Variants in SLC48A1 observed in about 807,000 individuals in gnomAD.
The protein encoded by SLC48A1 is solute carrier family 48 member 1, also known as heme transporter HRG1.
In SLC48A1, 6 loss-of-function variants were observed where a neutral mutation model predicts 14.8. That is an observed-to-expected ratio of 0.41 (90% CI 0.22 to 0.80). The LOEUF is 0.80. Among genes scored for constraint, SLC48A1 ranks in the 30% least tolerant of loss-of-function variants. The pLI is 0.34. For synonymous variants in SLC48A1, 89 were observed against 90.0 expected, an observed-to-expected ratio of 0.99 and a Z score of 0.06; for missense variants, 165 against 204.8, an observed-to-expected ratio of 0.81 and a Z score of 1.19.
chr12:47,780,408 C>G lies in SLC48A1; in HGVS notation c.*127C>G, dbSNP rs570796895. ...CTGTGGCAGAAAATACACAGCAGGA[C>G]GAGTGTGGTCTCCCAGGAAGCTGTC... On this transcript the variant is annotated 3_prime_UTR_variant, in exon 3 of 3. Coordinates refer to ENST00000442218, the MANE Select transcript of SLC48A1 (RefSeq NM_017842.3). 7 of 1,416,878 alleles carry G rather than the reference C, an allele frequency of 4.9e-6. No individual in the cohort carries two copies. In the African/African-American group the frequency reaches 9.9e-5, roughly 20 times the overall value. 87.8% of individuals were successfully genotyped at this position (1,416,878 alleles called of 1,614,324 possible).
chr12:47,766,688 G>A (rs1444108048), upstream of SLC48A1, among the ~76,000 whole-genome samples: 6 of 151,976 alleles, frequency 3.9e-5, no homozygotes, highest in Non-Finnish European at 7.4e-5. Context: ...TGCCTCTGAT[G>A]CTTTCTTAGC....
chr12:47,763,593 A>G (rs1161469400), intron 2 of SLC48A1, among the ~76,000 whole-genome samples: 3 of 152,120 alleles, frequency 2.0e-5, no homozygotes, highest in Non-Finnish European at 2.9e-5. Context: ...TCCATCCCCC[A>G]AGGGCAGTTC....
At position 47,773,405 on chromosome 12, in the gene SLC48A1, G is replaced by A; in HGVS notation, c.101G>A (p.Arg34Gln). 1 of 1,448,420 alleles carries A rather than the reference G, an allele frequency of 6.9e-7. No individual in the cohort carries two copies. The highest frequency in any genetic ancestry group is 9.1e-7 in the Non-Finnish European group (1 of 1,094,878). 89.7% of individuals were successfully genotyped at this position (1,448,420 alleles called of 1,614,324 possible). The change falls in exon 1 of 3, where the codon CGA (arginine) becomes CAA (glutamine). Residue 34 changes from arginine (R) to glutamine (Q), a missense_variant. Arg to Gln is a conservative substitution (Grantham distance 43). Coordinates refer to ENST00000442218, the MANE Select transcript of SLC48A1 (RefSeq NM_017842.3). ...SIFLVWTVVY[R>Q]QPGTAAMGGL... ...TTCCTCGTCTGGACGGTGGTCTACCGACAGCCGGGGACCGCGGCCATGGGA... is the reference window on the plus strand; with the variant it reads ...TTCCTCGTCTGGACGGTGGTCTACCAACAGCCGGGGACCGCGGCCATGGGA...
At chr12:47,755,027 T>G (rs1941969233), upstream of SLC48A1, among the ~76,000 whole-genome samples, 1 of 152,210 alleles carries the variant, frequency 6.6e-6, no homozygotes, top group Admixed American at 6.5e-5. Context: ...AGCTAAGGTG[T>G]CAAGCTAGGG....
chr12:47,769,622 A>G (rs937168329), upstream of SLC48A1: 3 of 152,240 alleles, frequency 2.0e-5, no homozygotes, highest in African/African-American at 7.2e-5. Flanking sequence ...TCCCTGTTCA[A>G]TAAAAACAAT....
upstream of SLC48A1, among the ~76,000 whole-genome samples, chr12:47,766,664 C>A (rs1435152725): frequency 2.0e-5 from 3 of 152,048 alleles, no homozygotes; most frequent in Admixed American, 1.3e-4. Flanking sequence ...CTCCCCCTGA[C>A]CCCCCAGGCC....
upstream of SLC48A1, chr12:47,757,992 G>A (rs1942192118): frequency 6.4e-7 from 1 of 1,572,506 alleles, no homozygotes; most frequent in African/African-American, 1.4e-5. Flanking sequence ...CCACGTCAGG[G>A]AGGGCTCCCA....
At chr12:47,774,193 C>T (rs969348196) in intron 1 of SLC48A1, among the ~76,000 whole-genome samples, 7 of 152,362 alleles carry the variant, frequency 4.6e-5, no homozygotes, top group South Asian at 4.1e-4. Flanking sequence ...TCTGGGCTGA[C>T]CAGTGCTCCT....
chr12:47,775,261 TG>T (rs1942721694), intron 1 of SLC48A1, among the ~76,000 whole-genome samples: 1 of 152,204 alleles, frequency 6.6e-6, no homozygotes, highest in Non-Finnish European at 1.5e-5. Flanking sequence ...GGGAGTTGCC[TG>T]GGGTTTTCTT....
intron 1 of SLC48A1, 76 bp from the exon 2 acceptor site, chr12:47,778,952 C>A: frequency 7.0e-7 from 1 of 1,425,664 alleles, no homozygotes; most frequent in Non-Finnish European, 9.3e-7. Context: ...TATTCTTATG[C>A]AAATAGGCCT....
At chr12:47,758,682 T>A (rs1942253427) in intron 1 of SLC48A1, 1 of 1,436,166 alleles carries the variant, frequency 7.0e-7, no homozygotes, top group Non-Finnish European at 9.3e-7. Flanking sequence ...TACAGTGAAC[T>A]GGGCCAGTGC....
At chr12:47,766,563 C>G (rs375708779) in intron 2 of SLC48A1, among the ~76,000 whole-genome samples, 4 of 152,132 alleles carry the variant, frequency 2.6e-5, no homozygotes, top group Non-Finnish European at 5.9e-5. Context: ...AGATGGAGAT[C>G]GCTAGAGAAC....
In SLC48A1 at chr12:47,780,518, G is replaced by A. The variant is rs768208900; in HGVS notation, c.*237G>A. 2 of 763,522 alleles carry A rather than the reference G, an allele frequency of 2.6e-6. No individual in the cohort carries two copies. The highest frequency in any genetic ancestry group is 5.1e-5 in the East Asian group (2 of 39,488). 47.3% of individuals were successfully genotyped at this position (763,522 alleles called of 1,614,324 possible). On this transcript the variant is annotated 3_prime_UTR_variant, in exon 3 of 3. Coordinates refer to ENST00000442218, the MANE Select transcript of SLC48A1 (RefSeq NM_017842.3). Reference sequence around the variant, plus strand: ...TCCTCATCAGCCTGGCCAGAGGGCAGCTTTAGACCTTTTCAAATGAATCTG... The same window carrying A: ...TCCTCATCAGCCTGGCCAGAGGGCAACTTTAGACCTTTTCAAATGAATCTG...
At chr12:47,756,253 C>T (rs559416332), upstream of SLC48A1, 4 of 152,348 alleles carry the variant, frequency 2.6e-5, no homozygotes, top group East Asian at 1.9e-4. Context: ...CCAGGAGATC[C>T]TCCAGTGACC....
At chr12:47,772,658 C>A (rs1942651262), upstream of SLC48A1, among the ~76,000 whole-genome samples, 1 of 150,646 alleles carries the variant, frequency 6.6e-6, no homozygotes, top group South Asian at 2.1e-4. Context: ...GCCCGGGCAA[C>A]AGAGTGAGAC....
At chr12:47,774,558 C>T (rs545825346) in intron 1 of SLC48A1, among the ~76,000 whole-genome samples, 3 of 152,284 alleles carry the variant, frequency 2.0e-5, no homozygotes, top group Admixed American at 6.5e-5. Flanking sequence ...AATCCTCGGC[C>T]AAAAGAACCC....
upstream of SLC48A1, chr12:47,758,017 A>C: frequency 1.3e-6 from 2 of 1,576,188 alleles, no homozygotes; most frequent in South Asian, 2.3e-5. Context: ...CGGTGCTCCC[A>C]GAGCTGGGCT....
intron 1 of SLC48A1, 156 bp from the exon 2 acceptor site, chr12:47,778,872 C>G (rs1437969142): frequency 1.2e-6 from 1 of 828,794 alleles, no homozygotes; most frequent in African/African-American, 1.7e-5. Context: ...TTACCTGCTT[C>G]TGATATCACA....
chr12:47,760,847 G>A (rs956924835), intron 2 of SLC48A1, among the ~76,000 whole-genome samples: 5 of 152,182 alleles, frequency 3.3e-5, no homozygotes, highest in African/African-American at 1.2e-4. Context: ...CGTATACTCT[G>A]TATGTATTCT....
Sources: allele counts gnomAD v4.1 joint callset (sites outside exome capture counted in the v4.1 genomes callset), GRCh38; gene constraint gnomAD v4.1.1; transcripts MANE v1.5; gene names NCBI Gene and HGNC (gene_info 2026-07-23, HGNC 2026-07-21).